FAF1: variants seen among roughly 807,000 people sequenced by gnomAD.
FAF1 encodes the protein FAS-associated factor 1.
A neutral mutation model predicts 92.5 loss-of-function variants in FAF1; 25 were observed. The ratio of observed to expected loss-of-function variants is 0.27; its 90% CI spans 0.20 to 0.38. The LOEUF is 0.38. FAF1 is among the 10% of genes least tolerant of loss of function. FAF1 has a pLI of 1.00. For missense variants in FAF1, 636 were observed against 793.3 expected (o/e 0.80, Z 2.38); for synonymous variants, 234 against 273.2 (o/e 0.86, Z 1.42).
chr1:50,618,414 G>GTTTTTTTTTTTT (rs540421778), intron 8 of FAF1, among the ~76,000 whole-genome samples: 10 of 111,880 alleles, frequency 8.9e-5, no homozygotes, highest in Non-Finnish European at 1.6e-4. Context: ...AGTTTTTAGA[G>GTTTTTTTTTTTT]TTTTTTTTTT....
intron 4 of FAF1, chr1:50,780,574 C>G: frequency 4.8e-6 from 1 of 208,008 alleles, no homozygotes; most frequent in Non-Finnish European, 9.8e-6. Flanking sequence ...TGCCAATCAT[C>G]ACTGGTAGCA....
chr1:50,833,236 G>C (rs1238947513), intron 2 of FAF1, among the ~76,000 whole-genome samples: 1 of 151,922 alleles, frequency 6.6e-6, no homozygotes, highest in Non-Finnish European at 1.5e-5. Flanking sequence ...GTCCATCTTG[G>C]CTACAAATTT....
At chr1:50,861,798 A>T (rs1036520012) in intron 1 of FAF1, among the ~76,000 whole-genome samples, 2 of 151,812 alleles carry the variant, frequency 1.3e-5, no homozygotes, top group Non-Finnish European at 2.9e-5. Flanking sequence ...AAAACTAAAT[A>T]ATTAAAAAAA....
At chr1:50,902,792 T>G (rs191542951) in intron 1 of FAF1, among the ~76,000 whole-genome samples, 46 of 152,344 alleles carry the variant, frequency 3.0e-4, no homozygotes, top group African/African-American at 1.1e-3. Flanking sequence ...GCTGTTATAC[T>G]GTATCTGTTT....
chr1:50,488,263 A>G (rs1215103444), intron 17 of FAF1, among the ~76,000 whole-genome samples: 1 of 152,186 alleles, frequency 6.6e-6, no homozygotes. Context: ...GCTGGAATGC[A>G]TATACTGAAT....
At chr1:50,850,156 A>G (rs1282222860) in intron 2 of FAF1, among the ~76,000 whole-genome samples, 2 of 152,164 alleles carry the variant, frequency 1.3e-5, no homozygotes, top group Non-Finnish European at 2.9e-5. Context: ...AATGGTCAAC[A>G]AGAAATAGAG....
chr1:50,870,613 A>G (rs1341913907), intron 1 of FAF1, among the ~76,000 whole-genome samples: 1 of 152,160 alleles, frequency 6.6e-6, no homozygotes, highest in African/African-American at 2.4e-5. Context: ...CTATTATTAT[A>G]TATATTATGG....
intron 4 of FAF1, among the ~76,000 whole-genome samples, chr1:50,761,639 C>T (rs1195480618): frequency 1.2e-4 from 19 of 152,252 alleles, no homozygotes; most frequent in Admixed American, 5.9e-4. Context: ...AATTCAACAA[C>T]GCTTCATGCT....
At chr1:50,948,740 G>C (rs1645191490) in intron 1 of FAF1, among the ~76,000 whole-genome samples, 1 of 152,032 alleles carries the variant, frequency 6.6e-6, no homozygotes, top group Non-Finnish European at 1.5e-5. Flanking sequence ...TGGCCAGGCT[G>C]GTCTTAAACT....
At chr1:50,487,010 T>C (rs531493607) in intron 17 of FAF1, among the ~76,000 whole-genome samples, 12 of 152,234 alleles carry the variant, frequency 7.9e-5, no homozygotes, top group Non-Finnish European at 1.3e-4. Context: ...TATATTGTAC[T>C]TTAGCCTTAT....
chr1:50,941,571 C>T (rs138420149), intron 1 of FAF1, among the ~76,000 whole-genome samples: 25 of 152,254 alleles, frequency 1.6e-4, no homozygotes, highest in Middle Eastern at 3.4e-3. Context: ...ACTGCCCAGG[C>T]AATACTGAAT....
At chr1:50,600,220 C>T (rs1050315186) in intron 8 of FAF1, among the ~76,000 whole-genome samples, 5 of 152,108 alleles carry the variant, frequency 3.3e-5, no homozygotes, top group African/African-American at 1.2e-4. Context: ...ATGCTTAAAG[C>T]CTTTGTGATG....
At position 50,437,785 on chromosome 1, in the gene FAF1, G is replaced by A. The variant is rs1187433208; in HGVS notation, c.*3655C>T. The A allele has an allele frequency of 6.6e-6, 1 of 152,098 alleles. No homozygotes were observed. The highest frequency in any genetic ancestry group is 1.5e-5 in the Non-Finnish European group (1 of 68,056). 9.4% of individuals were successfully genotyped at this position (152,098 alleles called of 1,614,324 possible). On this transcript the variant is annotated 3_prime_UTR_variant, in exon 19 of 19. Transcript: ENST00000396153. ...CGCCTGTAACCCTGGCACTTTGGGA[G>A]GCTGAGGTGGGCCGATTACCTGAGG...
intron 1 of FAF1, among the ~76,000 whole-genome samples, chr1:50,859,687 TC>T (rs1159512987): frequency 1.3e-5 from 2 of 151,942 alleles, no homozygotes; most frequent in African/African-American, 4.8e-5. Flanking sequence ...CCCAATGCAA[TC>T]CAGAGATTCA....
At chr1:50,909,163 G>T (rs1644863488) in intron 1 of FAF1, among the ~76,000 whole-genome samples, 3 of 152,096 alleles carry the variant, frequency 2.0e-5, no homozygotes, top group Admixed American at 2.0e-4. Context: ...TGAAATTCTG[G>T]GTTGAAAATT....
At chr1:50,674,139 G>A (rs1656015778) in intron 7 of FAF1, among the ~76,000 whole-genome samples, 1 of 152,152 alleles carries the variant, frequency 6.6e-6, no homozygotes, top group South Asian at 2.1e-4. Context: ...TTTTAGTAGA[G>A]ACGGGGTTTC....
At chr1:50,657,791 C>T (rs1489501687) in intron 7 of FAF1, among the ~76,000 whole-genome samples, 2 of 152,148 alleles carry the variant, frequency 1.3e-5, no homozygotes, top group Non-Finnish European at 2.9e-5. Flanking sequence ...AAACACAGAA[C>T]TCACTCTATT....
intron 4 of FAF1, among the ~76,000 whole-genome samples, chr1:50,782,778 G>C (rs1446150301): frequency 6.6e-6 from 1 of 152,070 alleles, no homozygotes; most frequent in African/African-American, 2.4e-5. Flanking sequence ...AATAAATTTA[G>C]GGTAGCCTAG....
intron 15 of FAF1, among the ~76,000 whole-genome samples, chr1:50,507,603 G>A (rs1015781219): frequency 6.6e-6 from 1 of 152,156 alleles, no homozygotes; most frequent in African/African-American, 2.4e-5. Context: ...TGTAGTCCTA[G>A]CTACTCAGGA....
Sources: allele counts gnomAD v4.1 joint callset (sites outside exome capture counted in the v4.1 genomes callset), GRCh38; gene constraint gnomAD v4.1.1; transcripts MANE v1.5; gene names NCBI Gene and HGNC (gene_info 2026-07-23, HGNC 2026-07-21).